KCNH1: variants seen among roughly 807,000 people sequenced by gnomAD.
KCNH1 encodes potassium voltage-gated channel subfamily H member 1.
Under a neutral mutation model 69.2 loss-of-function variants are expected in KCNH1, and 27 were observed. The ratio of observed to expected loss-of-function variants is 0.39; its 90% CI spans 0.29 to 0.54. The LOEUF (loss-of-function observed/expected upper bound fraction) is 0.54, where lower values mean the gene tolerates loss of function less well. KCNH1 is among the 20% of genes least tolerant of loss of function. The pLI is 0.68. For synonymous variants in KCNH1, 456 were observed against 487.7 expected, an observed-to-expected ratio of 0.93 and a Z score of 0.86; for missense variants, 798 against 1,261.6, an observed-to-expected ratio of 0.63 and a Z score of 5.57.
chr1:210,854,642 G>T (rs991692274), intron 7 of KCNH1, among the ~76,000 whole-genome samples: 1 of 152,200 alleles, frequency 6.6e-6, no homozygotes, highest in Non-Finnish European at 1.5e-5. Flanking sequence ...CCTAGGGCTG[G>T]CCCATCAAAG....
chr1:210,832,739 C>T (rs936919378), intron 7 of KCNH1, among the ~76,000 whole-genome samples: 2 of 151,784 alleles, frequency 1.3e-5, no homozygotes, highest in African/African-American at 2.4e-5. Flanking sequence ...GAGCAGGACC[C>T]GTTTTTTTCA....
chr1:210,863,883 C>T (rs1163532005), intron 7 of KCNH1, among the ~76,000 whole-genome samples: 3 of 152,166 alleles, frequency 2.0e-5, no homozygotes, highest in African/African-American at 7.2e-5. Context: ...TGACCTCTCC[C>T]CTGTCATGTA....
intron 10 of KCNH1, among the ~76,000 whole-genome samples, chr1:210,698,932 A>G (rs539264470): frequency 2.1e-3 from 323 of 152,276 alleles, no homozygotes; most frequent in African/African-American, 7.6e-3. Context: ...AGGAGTAGAG[A>G]ACGGACTTCC....
chr1:210,883,255 A>T (rs939764579), intron 7 of KCNH1, among the ~76,000 whole-genome samples: 6 of 152,192 alleles, frequency 3.9e-5, no homozygotes, highest in Admixed American at 1.3e-4. Context: ...AAGGCAAAGG[A>T]TGCCAACAGA....
At chr1:211,113,417 T>C (rs1691508081) in intron 1 of KCNH1, among the ~76,000 whole-genome samples, 1 of 152,220 alleles carries the variant, frequency 6.6e-6, no homozygotes, top group African/African-American at 2.4e-5. Flanking sequence ...GTAGAAGTCA[T>C]TGTCCCACTT....
intron 5 of KCNH1, among the ~76,000 whole-genome samples, chr1:211,069,149 C>T (rs1186171482): frequency 6.6e-6 from 1 of 152,178 alleles, no homozygotes; most frequent in Admixed American, 6.5e-5. Context: ...ATACCCATCT[C>T]CAGCCAGCTC....
At chr1:210,889,727 G>A (rs1423736923) in intron 7 of KCNH1, among the ~76,000 whole-genome samples, 5 of 152,132 alleles carry the variant, frequency 3.3e-5, no homozygotes, top group Non-Finnish European at 7.4e-5. Context: ...CAAAATCAAT[G>A]TGCAAAAATC....
chr1:210,821,614 G>A (rs1240006143), intron 7 of KCNH1, among the ~76,000 whole-genome samples: 1 of 152,056 alleles, frequency 6.6e-6, no homozygotes, highest in Non-Finnish European at 1.5e-5. Context: ...GTGAAACTTA[G>A]GGGGAAACTA....
At chr1:210,684,209 C>G in intron 10 of KCNH1, 71 bp from the exon 11 acceptor site, 1 of 1,435,986 alleles carries the variant, frequency 7.0e-7, no homozygotes, top group Non-Finnish European at 9.1e-7. Context: ...CAGCTCAGCC[C>G]TTCTGCCTAT....
intron 7 of KCNH1, among the ~76,000 whole-genome samples, chr1:210,885,153 G>A (rs976827126): frequency 2.6e-5 from 4 of 152,204 alleles, no homozygotes; most frequent in Admixed American, 2.6e-4. Flanking sequence ...AACAACTCCG[G>A]TCTGCAGCAA....
In KCNH1 at chr1:210,785,397, GTT is replaced by G. The variant is rs34506008; in HGVS notation, c.1916-9855_1916-9854del. 4.7e-4 allele frequency among the ~76,000 whole-genome samples: 66 copies of G among 141,418 alleles called. 1 individual carries two copies. Among genetic ancestry groups the G allele is most frequent in the Non-Finnish European group, 7.3e-4 (47 of 64,702 alleles). The allele number at this position is 141,418 out of a possible 152,430, so 92.8% of individuals were successfully genotyped here. A position where few individuals can be genotyped will look rare whatever the true frequency, so the allele number is the denominator to read the frequency against. ...TACATTATCTCTGCTCTCTTACTCT[GTT>G]TTTTTTTTTTTTTGAGATAGAGTCT... On this transcript the variant is annotated intron_variant, in intron 9 of 10. Transcript: ENST00000271751.
At chr1:210,967,945 C>A (rs899029963) in intron 6 of KCNH1, among the ~76,000 whole-genome samples, 1 of 151,768 alleles carries the variant, frequency 6.6e-6, no homozygotes, top group Non-Finnish European at 1.5e-5. Flanking sequence ...TATACATGTG[C>A]CATGCTGGTG....
chr1:210,832,907 C>T (rs7547062), intron 7 of KCNH1, among the ~76,000 whole-genome samples: 124 of 110,602 alleles, frequency 1.1e-3, no homozygotes, highest in Middle Eastern at 9.6e-3. Flanking sequence ...TTCTCAAATA[C>T]ATATATATAT....
At chr1:210,886,756 G>C (rs1413782989) in intron 7 of KCNH1, among the ~76,000 whole-genome samples, 2 of 151,802 alleles carry the variant, frequency 1.3e-5, no homozygotes, top group Non-Finnish European at 2.9e-5. Flanking sequence ...ATATACACAA[G>C]TATCAGTAAC....
At chr1:210,758,525 G>C (rs890044854) in intron 10 of KCNH1, among the ~76,000 whole-genome samples, 2 of 152,174 alleles carry the variant, frequency 1.3e-5, no homozygotes, top group African/African-American at 2.4e-5. Context: ...GAGCAAGAGA[G>C]AGGTGGAACC....
intron 7 of KCNH1, among the ~76,000 whole-genome samples, chr1:210,851,655 G>T (rs1221626980): frequency 3.3e-5 from 5 of 152,212 alleles, no homozygotes; most frequent in Admixed American, 3.3e-4. Flanking sequence ...TATGAACCTA[G>T]ATGGGATACC....
intron 7 of KCNH1, among the ~76,000 whole-genome samples, chr1:210,917,229 G>GAAAAAA (rs1553359735): frequency 1.3e-5 from 1 of 78,800 alleles, no homozygotes; most frequent in African/African-American, 5.2e-5. Flanking sequence ...GAGAGAGAGA[G>GAAAAAA]AGAAAGAAAG....
chr1:210,907,725 G>T (rs1387051363), intron 7 of KCNH1, among the ~76,000 whole-genome samples: 1 of 152,130 alleles, frequency 6.6e-6, no homozygotes, highest in African/African-American at 2.4e-5. Flanking sequence ...TGGAAAAAAA[G>T]ATCCATCCCA....
intron 8 of KCNH1, among the ~76,000 whole-genome samples, chr1:210,801,388 T>C (rs1684422428): frequency 6.6e-6 from 1 of 152,140 alleles, no homozygotes. Flanking sequence ...TCCCCAGCAG[T>C]AGCCTGCCAC....
Sources: gnomAD v4.1 joint callset for allele counts (sites outside exome capture counted in the v4.1 genomes callset) on GRCh38, gnomAD v4.1.1 for gene constraint, MANE v1.5 for transcripts, NCBI Gene and HGNC (gene_info 2026-07-23, HGNC 2026-07-21) for gene names.